The following METTL22 variants were observed in gnomAD, a reference collection of about 807,000 sequenced individuals.
The protein encoded by METTL22 is methyltransferase-like protein 22.
A neutral mutation model predicts 48.4 loss-of-function variants in METTL22; 51 were observed. The ratio of observed to expected loss-of-function variants is 1.05; its 90% CI spans 0.84 to 1.33. The LOEUF is 1.33. Among genes scored for constraint, METTL22 ranks in the 40% most tolerant of loss-of-function variants. METTL22 has a pLI of 0.00. For missense variants in METTL22, 678 were observed against 526.9 expected, an observed-to-expected ratio of 1.29 and a Z score of -2.81; for synonymous variants, 255 against 214.1, an observed-to-expected ratio of 1.19 and a Z score of -1.67.
chr16:8,626,798 T>G (rs1432129054), intron 2 of METTL22, among the ~76,000 whole-genome samples: 2 of 98,280 alleles, frequency 2.0e-5, no homozygotes, highest in East Asian at 6.9e-4. Flanking sequence ...GCAGTCTCGC[T>G]CCCTCACCCA....
the METTL22 span, among the ~76,000 whole-genome samples, chr16:8,666,473 A>G: frequency 6.6e-6 from 1 of 152,350 alleles, no homozygotes; most frequent in East Asian, 1.9e-4. Flanking sequence ...AAGAGTGATG[A>G]TTATGAAAAC....
chr16:8,626,544 G>A (rs1046630321), intron 2 of METTL22, among the ~76,000 whole-genome samples: 29 of 151,128 alleles, frequency 1.9e-4, no homozygotes, highest in Non-Finnish European at 3.2e-4. Flanking sequence ...CGCCTCCCGG[G>A]TTCAAGCAAC....
At chr16:8,643,867 GCCT>G (rs1203215767) in intron 9 of METTL22, among the ~76,000 whole-genome samples, 2 of 152,084 alleles carry the variant, frequency 1.3e-5, no homozygotes, top group African/African-American at 4.8e-5. Flanking sequence ...GCCCTCCTCG[GCCT>G]CCCACAGTAC....
intron 6 of METTL22, among the ~76,000 whole-genome samples, 185 bp from the exon 7 acceptor site, chr16:8,640,946 G>GGATGGATGGATGGATGGA (rs1332913099): frequency 8.5e-5 from 3 of 35,282 alleles, no homozygotes; most frequent in East Asian, 1.4e-3. Flanking sequence ...GGATGGATGG[G>GGATGGATGGATGGATGGA]TGGGTGGATG....
At chr16:8,665,231 A>G in the METTL22 span, among the ~76,000 whole-genome samples, 1 of 152,178 alleles carries the variant, frequency 6.6e-6, no homozygotes. Context: ...ACTTGAGTTA[A>G]GGAGATCGAG....
the METTL22 span, among the ~76,000 whole-genome samples, chr16:8,662,054 G>T: frequency 6.9e-6 from 1 of 145,266 alleles, no homozygotes; most frequent in Non-Finnish European, 1.5e-5. Context: ...GACCAGCCTG[G>T]ACAACATACC....
intron 10 of METTL22, chr16:8,645,873 C>A: frequency 7.9e-7 from 1 of 1,269,326 alleles, no homozygotes; most frequent in South Asian, 1.9e-5. Context: ...TCCTCTGATG[C>A]ACCTTCCGTT....
chr16:8,662,986 T>C, the METTL22 span, among the ~76,000 whole-genome samples: 4 of 139,526 alleles, frequency 2.9e-5, no homozygotes, highest in African/African-American at 1.1e-4. Flanking sequence ...AGCGGGTGGA[T>C]CACCTGAGGT....
At chr16:8,623,541 G>GT (rs2055935308) in intron 1 of METTL22, 1 of 152,158 alleles carries the variant, frequency 6.6e-6, no homozygotes, top group Non-Finnish European at 1.5e-5. Flanking sequence ...ATCTGGTGTG[G>GT]TTTTGCCAGT....
the METTL22 span, among the ~76,000 whole-genome samples, chr16:8,663,445 C>T: frequency 6.6e-6 from 1 of 152,034 alleles, no homozygotes; most frequent in African/African-American, 2.4e-5. Context: ...GTCAAGCTCT[C>T]GAGTGCACCG....
chr16:8,653,415 G>A (rs2056926114), downstream of METTL22, among the ~76,000 whole-genome samples: 1 of 152,142 alleles, frequency 6.6e-6, no homozygotes, highest in Admixed American at 6.6e-5. Context: ...GTCCCCACAT[G>A]GGCACACACT....
At chr16:8,663,896 A>C in the METTL22 span, among the ~76,000 whole-genome samples, 2 of 151,978 alleles carry the variant, frequency 1.3e-5, no homozygotes, top group African/African-American at 2.4e-5. Flanking sequence ...TGTCCTATGC[A>C]TTGTAGAGCA....
At chr16:8,628,604 T>G in intron 2 of METTL22, 126 bp from the exon 3 acceptor site, 1 of 1,282,282 alleles carries the variant, frequency 7.8e-7, no homozygotes, top group Non-Finnish European at 1.0e-6. Flanking sequence ...CTGCTGGCAT[T>G]AGTATATCTC....
At chr16:8,657,824 C>CTTTTTTTTTTTTTCTTTT in the METTL22 span, among the ~76,000 whole-genome samples, 3 of 137,434 alleles carry the variant, frequency 2.2e-5, no homozygotes, top group African/African-American at 8.7e-5. Context: ...TCTTTTCTTT[C>CTTTTTTTTTTTTTCTTTT]TTTTTTTTTT....
intron 1 of METTL22, among the ~76,000 whole-genome samples, chr16:8,625,234 A>C (rs2141682009): frequency 6.6e-6 from 1 of 152,268 alleles, no homozygotes; most frequent in East Asian, 1.9e-4. Flanking sequence ...CAGAGAGGGC[A>C]GGCACGTGTG....
At chr16:8,634,055 A>T (rs764406171) in intron 3 of METTL22, among the ~76,000 whole-genome samples, 15 of 152,220 alleles carry the variant, frequency 9.9e-5, no homozygotes, top group Admixed American at 3.9e-4. Context: ...TCTGAAAGGA[A>T]CATGTTTTAT....
the METTL22 span, among the ~76,000 whole-genome samples, chr16:8,659,321 G>GGA: frequency 7.9e-6 from 1 of 127,148 alleles, no homozygotes. Flanking sequence ...ACAGAATGAG[G>GGA]AAAAAAAAAA....
chr16:8,629,267 C>T (rs1434273865), intron 3 of METTL22, among the ~76,000 whole-genome samples, 157 bp downstream of exon 3: 1 of 152,204 alleles, frequency 6.6e-6, no homozygotes, highest in African/African-American at 2.4e-5. Context: ...TCCACAACCC[C>T]GTCACTCCTG....
chr16:8,661,314 G>A, the METTL22 span, among the ~76,000 whole-genome samples: 1 of 152,024 alleles, frequency 6.6e-6, no homozygotes, highest in Non-Finnish European at 1.5e-5. Context: ...TACCCAGCTA[G>A]CCCCAAACCC....
Sources: gnomAD v4.1 joint callset for allele counts (sites outside exome capture counted in the v4.1 genomes callset) on GRCh38, gnomAD v4.1.1 for gene constraint, MANE v1.5 for transcripts, NCBI Gene and HGNC (gene_info 2026-07-23, HGNC 2026-07-21) for gene names.